Variants in LRRC61 observed in about 807,000 individuals in gnomAD.
LRRC61 encodes the protein leucine rich repeat containing 61, also known as leucine-rich repeat-containing protein 61.
A neutral mutation model predicts 15.1 loss-of-function variants in LRRC61; 9 were observed. That is an observed-to-expected ratio of 0.60 (90% CI 0.36 to 1.04). LRRC61 has a LOEUF of 1.04. Among genes scored for constraint, LRRC61 ranks in the 50% least tolerant of loss-of-function variants. LRRC61 has a pLI of 0.01. For missense variants in LRRC61, 344 were observed against 335.6 expected (o/e 1.03, Z -0.20); for synonymous variants, 173 against 158.6 (o/e 1.09, Z -0.68).
chr7:150,317,072 C>CATTT, the LRRC61 span, among the ~76,000 whole-genome samples: 44,206 of 150,962 alleles, frequency 0.29, 6,664 homozygotes, highest in East Asian at 0.41. Flanking sequence ...TTCTTTCCTT[C>CATTT]ATTTATTTAT....
At chr7:150,323,175 CGCCTCGCT>C (rs933632431), upstream of LRRC61, 83 of 215,250 alleles carry the variant, frequency 3.9e-4, no homozygotes, top group African/African-American at 1.6e-3. Context: ...CCGGCCGCAC[CGCCTCGCT>C]GCCCACGCCT....
At chr7:150,316,575 TC>T in the LRRC61 span, among the ~76,000 whole-genome samples, 1 of 143,206 alleles carries the variant, frequency 7.0e-6, no homozygotes, top group Non-Finnish European at 1.5e-5. Context: ...AACCTCTGCC[TC>T]CCAGGTTCAA....
At chr7:150,316,015 T>C in the LRRC61 span, among the ~76,000 whole-genome samples, 1 of 152,198 alleles carries the variant, frequency 6.6e-6, no homozygotes, top group South Asian at 2.1e-4. Flanking sequence ...CTGACCAACA[T>C]GGAGAAACCC....
At chr7:150,313,153 TAA>T in the LRRC61 span, among the ~76,000 whole-genome samples, 1 of 152,204 alleles carries the variant, frequency 6.6e-6, no homozygotes, top group East Asian at 1.9e-4. Context: ...CCAAGTCCTA[TAA>T]AGCTGCCTCT....
rs370031497 is a variant in LRRC61, at chr7:150,334,116, T to C, written c.-144-2602T>C. 68 of 985,204 alleles carry C rather than the reference T, an allele frequency of 6.9e-5. No homozygotes were observed. In the East Asian group the frequency reaches 3.5e-3, roughly 51 times the overall value. 61.0% of individuals were successfully genotyped at this position (985,204 alleles called of 1,614,324 possible). On this transcript the variant is annotated intron_variant, in intron 2 of 2. Transcript: ENST00000359623. ...GTGTGAGCATGCACAGTTGCCTGCC[T>C]CTGTCTGCCTGCTTCTTTGCTCTCT...
At position 150,335,366 on chromosome 7, in the gene LRRC61, T is replaced by C. The variant is rs1323359221; in HGVS notation, c.-144-1352T>C. Among the ~76,000 whole-genome samples, 1 of 152,132 alleles carries C rather than the reference T, an allele frequency of 6.6e-6. No individual in the cohort carries two copies. The highest frequency in any genetic ancestry group is 2.4e-5 in the African/African-American group (1 of 41,416). On this transcript the variant is annotated intron_variant, in intron 2 of 2. Transcript: ENST00000359623. This position sits in a 1 kb window ranked among gnomAD's most constrained non-coding sequence, Gnocchi z 4.3. ...AAAGTATATATAAATATTTGAGGTA[T>C]AAATAAAAGAGAATGAGCTGGAATG...
chr7:150,330,939 G>A lies in LRRC61; in HGVS notation c.-145+4929G>A. On this transcript the variant is annotated intron_variant, in intron 2 of 2. Coordinates refer to ENST00000359623, the MANE Select transcript of LRRC61 (RefSeq NM_001142928.2). This position sits in a 1 kb window ranked among gnomAD's most constrained non-coding sequence, Gnocchi z 4.6. ...GGAGAGCATGGGGCTGCTGGCCTCT[G>A]AGAGAAGCGGGGGCTCGCTGTCCAC... 6.2e-7 allele frequency: 1 copy of A among 1,612,590 alleles called. No individual in the cohort carries two copies. The highest frequency in any genetic ancestry group is 1.3e-5 in the African/African-American group (1 of 75,022).
upstream of LRRC61, among the ~76,000 whole-genome samples, chr7:150,318,637 C>T (rs1169245481): frequency 6.6e-6 from 1 of 152,168 alleles, no homozygotes; most frequent in East Asian, 1.9e-4. Flanking sequence ...TGGTGCAGAG[C>T]TGTAGTTCCA....
At chr7:150,315,628 T>C in the LRRC61 span, among the ~76,000 whole-genome samples, 9 of 152,180 alleles carry the variant, frequency 5.9e-5, no homozygotes, top group African/African-American at 2.4e-5. Flanking sequence ...AAGGTAAAAC[T>C]GAGCTCACAG....
chr7:150,336,841 A>G lies in LRRC61; in HGVS notation c.-21A>G, dbSNP rs1798307824. On this transcript the variant is annotated 5_prime_UTR_variant, in exon 3 of 3. Transcript: ENST00000359623. ...TGACAGTCCTGCCAGGGCCCAGGCC[A>G]TCCCAACCGACTTCCATCTCATGGA... 2 of 1,586,156 alleles carry G rather than the reference A, an allele frequency of 1.3e-6. No homozygotes were observed. Among genetic ancestry groups the G allele is most frequent in the Admixed American group, 3.4e-5 (2 of 58,978 alleles).
At chr7:150,320,061 G>A (rs962689968), upstream of LRRC61, among the ~76,000 whole-genome samples, 5 of 152,214 alleles carry the variant, frequency 3.3e-5, no homozygotes, top group African/African-American at 1.2e-4. Context: ...GAGTGTTTCT[G>A]GATTAACGCT....
intron 2 of LRRC61, among the ~76,000 whole-genome samples, 166 bp from the exon 3 acceptor site, chr7:150,336,552 C>T (rs1389771614): frequency 1.3e-5 from 2 of 152,250 alleles, no homozygotes; most frequent in African/African-American, 4.8e-5. Flanking sequence ...TGCACCCCAT[C>T]CCTGTCACTC....
At chr7:150,314,862 G>A in the LRRC61 span, among the ~76,000 whole-genome samples, 50 of 149,784 alleles carry the variant, frequency 3.3e-4, no homozygotes, top group East Asian at 2.3e-3. Flanking sequence ...GGAGGCGAGC[G>A]GCTCACTTGA....
Position 150,336,793 on chromosome 7 carries a change from A to G in LRRC61, c.-69A>G, listed in dbSNP as rs3735171. The G allele has an allele frequency of 0.26, 398,514 of 1,536,328 alleles. 52,867 individuals carry two copies. Among genetic ancestry groups the G allele is most frequent in the East Asian group, 0.34 (15,032 of 44,232 alleles). ...CCTGGGTAGAGCCAGGGCGAGCACC[A>G]GCTGACCCCCAGTGGAACCCTGTGA... On this transcript the variant is annotated 5_prime_UTR_variant, in exon 3 of 3. Coordinates refer to ENST00000359623, the MANE Select transcript of LRRC61 (RefSeq NM_001142928.2).
rs1050003104 is a variant in LRRC61 at position 150,336,732 on chromosome 7, C to T, written c.-130C>T. 9.3e-6 allele frequency: 12 copies of T among 1,284,066 alleles called. No homozygotes were observed. Among genetic ancestry groups the T allele is most frequent in the African/African-American group, 1.5e-5 (1 of 67,194 alleles). 79.5% of individuals were successfully genotyped at this position (1,284,066 alleles called of 1,614,324 possible). A position where few individuals can be genotyped will look rare whatever the true frequency, so the allele number is the denominator to read the frequency against. ...TCTCTCCTCAGGGACTGGCTGGCTT[C>T]GAGCAGGGCATCGGAACCAGGCCTC... is the stretch of plus-strand genomic sequence containing the variant. On this transcript the variant is annotated 5_prime_UTR_variant, in exon 3 of 3. Coordinates refer to ENST00000359623, the MANE Select transcript of LRRC61 (RefSeq NM_001142928.2).
chr7:150,326,541 G>A (rs2129618136), intron 2 of LRRC61, among the ~76,000 whole-genome samples: 1 of 152,100 alleles, frequency 6.6e-6, no homozygotes, highest in East Asian at 1.9e-4. Context: ...AAATTAGCTG[G>A]GTGTGGTGGT....
In LRRC61 at chr7:150,337,793, C is replaced by A; in HGVS notation, c.*152C>A. 1.2e-6 allele frequency: 1 copy of A among 802,030 alleles called. No homozygotes were observed. Among genetic ancestry groups the A allele is most frequent in the Non-Finnish European group, 1.9e-6 (1 of 518,684 alleles). 49.7% of individuals were successfully genotyped at this position (802,030 alleles called of 1,614,324 possible). On this transcript the variant is annotated 3_prime_UTR_variant, in exon 3 of 3. Coordinates refer to ENST00000359623, the MANE Select transcript of LRRC61 (RefSeq NM_001142928.2). ...TCCCTATCCTGAGAGCAGCCCCTCC[C>A]CACCATCCCTCCACATGCTGCAAGG...
chr7:150,337,638 C>T lies in LRRC61; in HGVS notation c.777C>T (p.Phe259=). 5.3e-6 allele frequency: 8 copies of T among 1,522,142 alleles called. No individual in the cohort carries two copies. Among genetic ancestry groups the T allele is most frequent in the Non-Finnish European group, 7.0e-6 (8 of 1,137,100 alleles). The allele number at this position is 1,522,142 out of a possible 1,614,324, so 94.3% of individuals were successfully genotyped here. A position where few individuals can be genotyped will look rare whatever the true frequency, so the allele number is the denominator to read the frequency against. The change falls in exon 3 of 3, where the codon TTC becomes TTT. Residue 259 remains phenylalanine, a synonymous_variant. Coordinates refer to ENST00000359623, the MANE Select transcript of LRRC61 (RefSeq NM_001142928.2). ...SSAGPTSSFV[F] is the part of the protein sequence containing the mutation. ...CGGGCCCCACCTCTTCCTTCGTCTT[C>T]TGAACGTGGCCTATGGCCCAGGACA... is the stretch of plus-strand genomic sequence containing the variant.
Position 150,337,748 on chromosome 7 carries a change from C to T in LRRC61, c.*107C>T. 8.7e-7 allele frequency: 1 copy of T among 1,151,042 alleles called. No homozygotes were observed. Among genetic ancestry groups the T allele is most frequent in the Non-Finnish European group, 1.2e-6 (1 of 825,572 alleles). 71.3% of individuals were successfully genotyped at this position (1,151,042 alleles called of 1,614,324 possible). A position where few individuals can be genotyped will look rare whatever the true frequency, so the allele number is the denominator to read the frequency against. ...TGCTTCACACTGGTCACTGGCCCTG[C>T]ACACTGGGCTATTGCTTTATCCCTA... is the stretch of plus-strand genomic sequence containing the variant. On this transcript the variant is annotated 3_prime_UTR_variant, in exon 3 of 3. Transcript: ENST00000359623.
Sources: allele counts gnomAD v4.1 joint callset (sites outside exome capture counted in the v4.1 genomes callset), GRCh38; gene constraint gnomAD v4.1.1; non-coding constraint Gnocchi (gnomAD v3.1); transcripts MANE v1.5; gene names NCBI Gene and HGNC (gene_info 2026-07-23, HGNC 2026-07-21).